FYB1: variants seen among roughly 807,000 people sequenced by gnomAD.
FYB1 encodes the protein FYN binding protein 1.
A neutral mutation model predicts 94.1 loss-of-function variants in FYB1; 41 were observed. The observed-to-expected ratio is 0.44, with a 90% CI of 0.34 to 0.57. The LOEUF (loss-of-function observed/expected upper bound fraction) is 0.57. FYB1 is among the 20% of genes least tolerant of loss of function. FYB1 has a pLI of 0.02. For missense variants in FYB1, 1,050 were observed against 976.8 expected (o/e 1.07, Z -1.00); for synonymous variants, 367 against 353.2 (o/e 1.04, Z -0.44).
intron 1 of FYB1, among the ~76,000 whole-genome samples, chr5:39,228,790 T>C (rs754035959): frequency 6.6e-6 from 1 of 152,194 alleles, no homozygotes; most frequent in Non-Finnish European, 1.5e-5. Flanking sequence ...CTCTGAGAGC[T>C]AATAAAGCAA....
rs150535374 is a variant in FYB1 at position 39,185,516 on chromosome 5, TA to T, written c.1135+16309del. ...AGAAAGGATAGAAAAGATAACTGAC[TA>T]AAAAAAAAATATATATATATATATG... On this transcript the variant is annotated intron_variant, in intron 2 of 18. Coordinates refer to ENST00000512982, the MANE Select transcript of FYB1 (RefSeq NM_001465.6). 5.0e-4 allele frequency among the ~76,000 whole-genome samples: 55 copies of T among 110,704 alleles called. No individual in the cohort carries two copies. The East Asian group carries it at 6.7e-3, about 14-fold the overall frequency. 72.6% of individuals were successfully genotyped at this position (110,704 alleles called of 152,430 possible).
At chr5:39,137,890 C>T (rs1741799315) in intron 6 of FYB1, 170 bp from the exon 7 acceptor site, 1 of 767,930 alleles carries the variant, frequency 1.3e-6, no homozygotes, top group Non-Finnish European at 2.0e-6. Flanking sequence ...TTTTTAAAAC[C>T]AGTAGGAGGC....
intron 1 of FYB1, among the ~76,000 whole-genome samples, chr5:39,214,939 T>C (rs1388882604): frequency 6.6e-6 from 1 of 151,740 alleles, no homozygotes; most frequent in Non-Finnish European, 1.5e-5. Flanking sequence ...AAAAAAAAAA[T>C]ATTGTGTGAT....
intron 1 of FYB1, among the ~76,000 whole-genome samples, chr5:39,272,295 G>A (rs1463858714): frequency 1.3e-5 from 2 of 152,078 alleles, no homozygotes; most frequent in Admixed American, 6.6e-5. Flanking sequence ...AGCCTTGTGG[G>A]TAGAAATAAT....
At chr5:39,124,189 C>G in intron 13 of FYB1, 64 bp downstream of exon 13, 1 of 1,112,634 alleles carries the variant, frequency 9.0e-7, no homozygotes, top group Non-Finnish European at 1.3e-6. Context: ...ATATCCAGAG[C>G]TTTCCCACTA....
At chr5:39,208,450 C>T (rs1012548953) in intron 1 of FYB1, among the ~76,000 whole-genome samples, 2 of 152,126 alleles carry the variant, frequency 1.3e-5, no homozygotes, top group African/African-American at 2.4e-5. Flanking sequence ...TTTTACCATA[C>T]GTGGAGTTTC....
chr5:39,274,139 G>A (rs1752733747), intron 1 of FYB1, among the ~76,000 whole-genome samples: 1 of 152,104 alleles, frequency 6.6e-6, no homozygotes, highest in African/African-American at 2.4e-5. Context: ...TGCCCAGGCT[G>A]GTCTTGAACT....
intron 1 of FYB1, among the ~76,000 whole-genome samples, chr5:39,230,813 C>G (rs1005317523): frequency 8.6e-5 from 13 of 150,930 alleles, no homozygotes; most frequent in Non-Finnish European, 1.5e-4. Flanking sequence ...ATTGCTGACT[C>G]TGTGAGAACT....
chr5:39,262,191 C>T (rs155381), intron 1 of FYB1, among the ~76,000 whole-genome samples: 55,499 of 151,572 alleles, frequency 0.37, 11,464 homozygotes, highest in East Asian at 0.56. Context: ...AAAAGAGACA[C>T]CAAAAGTAAA....
chr5:39,250,691 G>C (rs1357294743), intron 1 of FYB1: 4 of 152,084 alleles, frequency 2.6e-5, no homozygotes, highest in Admixed American at 6.5e-5. Context: ...CCATGGTCCC[G>C]CAATCACACT....
At chr5:39,259,518 C>T (rs141765263) in intron 1 of FYB1, among the ~76,000 whole-genome samples, 1 of 152,156 alleles carries the variant, frequency 6.6e-6, no homozygotes, top group African/African-American at 2.4e-5. Context: ...AGAAAACTAA[C>T]CAACCGATCA....
chr5:39,256,237 A>C (rs1460632560), intron 1 of FYB1, among the ~76,000 whole-genome samples: 1 of 152,200 alleles, frequency 6.6e-6, no homozygotes, highest in Admixed American at 6.5e-5. Context: ...TCTGCAATGA[A>C]CCCAAAGGAG....
intron 2 of FYB1, among the ~76,000 whole-genome samples, chr5:39,162,713 TA>T (rs1342454807): frequency 1.0e-5 from 1 of 98,272 alleles, no homozygotes; most frequent in Non-Finnish European, 2.7e-5. Context: ...TAATGCCGTT[TA>T]GTGATTTTTT....
intron 1 of FYB1, among the ~76,000 whole-genome samples, chr5:39,246,715 T>C (rs1316307285): frequency 6.6e-6 from 1 of 152,156 alleles, no homozygotes; most frequent in African/African-American, 2.4e-5. Flanking sequence ...TATACCTAGA[T>C]AAGGGAATCT....
chr5:39,116,861 CA>C (rs1168909389), intron 16 of FYB1, among the ~76,000 whole-genome samples: 15 of 151,764 alleles, frequency 9.9e-5, no homozygotes, highest in African/African-American at 3.1e-4. Flanking sequence ...AAAAGAATGT[CA>C]GACCTCACAT....
intron 1 of FYB1, among the ~76,000 whole-genome samples, chr5:39,204,786 G>T (rs945247992): frequency 1.3e-5 from 2 of 152,176 alleles, no homozygotes; most frequent in East Asian, 3.8e-4. Flanking sequence ...CAGGGTAGGA[G>T]GCTAGGGATT....
intron 1 of FYB1, among the ~76,000 whole-genome samples, chr5:39,205,589 G>A (rs529354232): frequency 6.6e-6 from 1 of 152,236 alleles, no homozygotes; most frequent in South Asian, 2.1e-4. Context: ...TTTCATGGAG[G>A]AAAACCCATG....
intron 9 of FYB1, among the ~76,000 whole-genome samples, chr5:39,133,115 A>G (rs1234373309): frequency 6.6e-6 from 1 of 152,248 alleles, no homozygotes; most frequent in African/African-American, 2.4e-5. Flanking sequence ...ACCATGATAT[A>G]AAAGATCATA....
chr5:39,209,444 A>T (rs1749161868), intron 1 of FYB1, among the ~76,000 whole-genome samples: 1 of 151,406 alleles, frequency 6.6e-6, no homozygotes, highest in Non-Finnish European at 1.5e-5. Flanking sequence ...CTCGTGCCTC[A>T]GCCTCCGAGC....
Sources: allele counts gnomAD v4.1 joint callset (sites outside exome capture counted in the v4.1 genomes callset), GRCh38; gene constraint gnomAD v4.1.1; transcripts MANE v1.5; gene names NCBI Gene and HGNC (gene_info 2026-07-23, HGNC 2026-07-21).